Variants in DNER observed in about 807,000 individuals in gnomAD.
The protein encoded by DNER is delta and Notch-like epidermal growth factor-related receptor.
DNER carries 33 observed loss-of-function variants against 78.2 expected under a neutral mutation model. That is an observed-to-expected ratio of 0.42 (90% CI 0.32 to 0.56). DNER has a LOEUF of 0.56. Ranked by LOEUF, DNER falls within the 20% of genes least tolerant of loss-of-function variation. DNER has a pLI of 0.11. For missense variants in DNER, 918 were observed against 975.3 expected (o/e 0.94, Z 0.78); for synonymous variants, 417 against 384.8 (o/e 1.08, Z -0.98).
At chr2:229,366,073 C>T (rs1031639608) in intron 12 of DNER, among the ~76,000 whole-genome samples, 3 of 152,128 alleles carry the variant, frequency 2.0e-5, no homozygotes, top group Non-Finnish European at 4.4e-5. Context: ...GGATGCTGGG[C>T]TTAATACCTA....
chr2:229,477,211 A>T lies in DNER; in HGVS notation c.1190T>A (p.Ile397Asn). Residue 397 changes from isoleucine to asparagine, a missense_variant, in exon 7 of 13, where the codon ATC becomes AAC. Coordinates refer to ENST00000341772, the MANE Select transcript of DNER (RefSeq NM_139072.4). The part of the protein sequence containing the change: ...ELCQSKIDYC[I>N]LDPCRNGATC... ...TGCTCCATTTCTGCATGGGTCTAGG[A>T]TGCAGTAATCAATCTTGGACTGGCA... 1 of 1,613,994 alleles carries T rather than the reference A, an allele frequency of 6.2e-7. No individual in the cohort carries two copies. Among genetic ancestry groups the T allele is most frequent in the Non-Finnish European group, 8.5e-7 (1 of 1,179,934 alleles).
chr2:229,369,947 T>A (rs1692444196), intron 11 of DNER, among the ~76,000 whole-genome samples: 1 of 152,134 alleles, frequency 6.6e-6, no homozygotes, highest in African/African-American at 2.4e-5. Flanking sequence ...CAGGACATCA[T>A]TTTCATGGTA....
chr2:229,437,923 G>A (rs1338097302), intron 8 of DNER, among the ~76,000 whole-genome samples: 1 of 152,172 alleles, frequency 6.6e-6, no homozygotes, highest in African/African-American at 2.4e-5. Flanking sequence ...CCCCAGAAAT[G>A]AGAAGAGCTA....
intron 4 of DNER, among the ~76,000 whole-genome samples, chr2:229,583,153 T>C (rs1697432079): frequency 6.6e-6 from 1 of 152,224 alleles, no homozygotes. Flanking sequence ...TCTAAGGTCA[T>C]AGTTATGTTA....
intron 1 of DNER, among the ~76,000 whole-genome samples, chr2:229,690,215 G>A (rs1265252815): frequency 6.6e-6 from 1 of 152,150 alleles, no homozygotes; most frequent in Non-Finnish European, 1.5e-5. Context: ...CCAGGGATTT[G>A]CATTTTAAAG....
intron 7 of DNER, among the ~76,000 whole-genome samples, chr2:229,456,433 G>A (rs1694575038): frequency 6.6e-6 from 1 of 151,350 alleles, no homozygotes; most frequent in South Asian, 2.1e-4. Flanking sequence ...AAGCAGAAAG[G>A]CCAAGAATGA....
At chr2:229,513,162 G>A (rs973366284) in intron 5 of DNER, among the ~76,000 whole-genome samples, 4 of 151,980 alleles carry the variant, frequency 2.6e-5, no homozygotes, top group South Asian at 2.1e-4. Context: ...ATTTATCCCC[G>A]TCATTTTCGA....
intron 1 of DNER, among the ~76,000 whole-genome samples, chr2:229,595,904 G>A (rs1697704347): frequency 6.6e-6 from 1 of 151,916 alleles, no homozygotes; most frequent in South Asian, 2.1e-4. Flanking sequence ...TTCAATTTTT[G>A]TTTTAGATTC....
intron 4 of DNER, among the ~76,000 whole-genome samples, chr2:229,581,165 A>G (rs1419592006): frequency 6.6e-6 from 1 of 152,234 alleles, no homozygotes; most frequent in Non-Finnish European, 1.5e-5. Flanking sequence ...TTCCTAACAC[A>G]GAAGCCACAC....
chr2:229,517,889 C>T (rs1162463089), intron 5 of DNER, among the ~76,000 whole-genome samples: 1 of 152,196 alleles, frequency 6.6e-6, no homozygotes, highest in Non-Finnish European at 1.5e-5. Context: ...CTGATATAGG[C>T]TTTATAGGCT....
intron 1 of DNER, among the ~76,000 whole-genome samples, chr2:229,641,236 G>T (rs1461871847): frequency 2.0e-5 from 3 of 152,200 alleles, no homozygotes; most frequent in Non-Finnish European, 4.4e-5. Context: ...TGGAGTGGGG[G>T]TGAGGTTAGA....
intron 1 of DNER, among the ~76,000 whole-genome samples, chr2:229,654,642 G>A (rs897376384): frequency 3.3e-5 from 5 of 152,094 alleles, no homozygotes; most frequent in Non-Finnish European, 5.9e-5. Context: ...TCTGGCCTTC[G>A]GGCACTGCCT....
intron 1 of DNER, among the ~76,000 whole-genome samples, chr2:229,616,819 C>T (rs10490186): frequency 0.53 from 80,866 of 152,112 alleles, 24,088 homozygotes; most frequent in Admixed American, 0.67. Context: ...GTGAGCATTC[C>T]TAATGTATCT....
chr2:229,414,381 C>G (rs1372134972), intron 9 of DNER, among the ~76,000 whole-genome samples: 1 of 152,134 alleles, frequency 6.6e-6, no homozygotes, highest in Non-Finnish European at 1.5e-5. Flanking sequence ...GTTCCCGTGC[C>G]TCAGCCTCCT....
Position 229,690,553 on chromosome 2 carries a change from G to A in DNER, c.276+23595C>T, listed in dbSNP as rs187940339. ...TTGAATTGAGTGAAGTTGCTACACC[G>A]AATGCACCCAATCTCCCTTCCAGCT... On this transcript the variant is annotated intron_variant, in intron 1 of 12. Coordinates refer to ENST00000341772, the MANE Select transcript of DNER (RefSeq NM_139072.4). Among the ~76,000 whole-genome samples the A allele has an allele frequency of 5.8e-3, 880 of 152,212 alleles. 5 individuals are homozygous for A. Among genetic ancestry groups the A allele is most frequent in the Middle Eastern group, 0.044 (13 of 294 alleles).
At chr2:229,410,028 T>G (rs779868856) in intron 9 of DNER, among the ~76,000 whole-genome samples, 1 of 152,122 alleles carries the variant, frequency 6.6e-6, no homozygotes, top group Admixed American at 6.5e-5. Context: ...CCCCTCTTCC[T>G]GCCCTCCTCA....
At chr2:229,598,052 T>C (rs1020695313) in intron 1 of DNER, among the ~76,000 whole-genome samples, 2 of 152,114 alleles carry the variant, frequency 1.3e-5, no homozygotes, top group African/African-American at 2.4e-5. Flanking sequence ...TCCCATATCC[T>C]CTGCGGCGTA....
intron 10 of DNER, among the ~76,000 whole-genome samples, chr2:229,405,468 G>A (rs1236604927): frequency 6.6e-6 from 1 of 152,080 alleles, no homozygotes; most frequent in Admixed American, 6.5e-5. Context: ...TTGTAATGTT[G>A]TTTATAATGG....
At chr2:229,557,774 G>A (rs1206043490) in intron 4 of DNER, among the ~76,000 whole-genome samples, 2 of 151,836 alleles carry the variant, frequency 1.3e-5, no homozygotes, top group South Asian at 2.1e-4. Context: ...AAACAAAGTC[G>A]AAATGGAGGA....
Sources: gnomAD v4.1 joint callset for allele counts (sites outside exome capture counted in the v4.1 genomes callset) on GRCh38, gnomAD v4.1.1 for gene constraint, MANE v1.5 for transcripts, NCBI Gene and HGNC (gene_info 2026-07-23, HGNC 2026-07-21) for gene names.